The following OR4D2 variants were observed in gnomAD, a reference collection of about 807,000 sequenced individuals.
OR4D2 encodes the protein olfactory receptor family 4 subfamily D member 2.
OR4D2 carries 9 observed loss-of-function variants against 12.4 expected under a neutral mutation model. The observed-to-expected ratio is 0.73, with a 90% CI of 0.44 to 1.27. The LOEUF is 1.27. OR4D2 is among the 50% of genes most tolerant of loss of function. The pLI, the probability that OR4D2 is intolerant of heterozygous loss-of-function variation, is 0.00. For synonymous variants in OR4D2, 151 were observed against 151.1 expected (o/e 1.00, Z 0.01); for missense variants, 373 against 381.6 (o/e 0.98, Z 0.19).
rs1203146144 is a variant in OR4D2, at chr17:58,168,018, A to G, written c.-19+965A>G. On this transcript the variant is annotated intron_variant, in intron 1 of 1. Coordinates refer to ENST00000545221, the MANE Select transcript of OR4D2 (RefSeq NM_001004707.4). ...CCGTCACAAAAAAAAAAAAAAAAAA[A>G]AAAAGAAGGTGTCCTGGAGTGGAAG... Among the ~76,000 whole-genome samples, 7 of 149,638 alleles carry G rather than the reference A, an allele frequency of 4.7e-5. No individual in the cohort carries two copies. In the East Asian group the frequency reaches 1.4e-3, roughly 29 times the overall value.
chr17:58,170,836 C>T lies in OR4D2; in HGVS notation c.*257C>T, dbSNP rs1200919332. The T allele has an allele frequency of 4.1e-6, 2 of 488,210 alleles. No individual in the cohort carries two copies. Among genetic ancestry groups the T allele is most frequent in the Non-Finnish European group, 7.4e-6 (2 of 270,164 alleles). The allele number at this position is 488,210 out of a possible 1,614,324, so 30.2% of individuals were successfully genotyped here. On this transcript the variant is annotated 3_prime_UTR_variant, in exon 2 of 2. Coordinates refer to ENST00000545221, the MANE Select transcript of OR4D2 (RefSeq NM_001004707.4). ...CCCCTGAAAACCACACCTTCCTTTT[C>T]ACCTTCTTGGTGGACAGTTTCCTGT...
intron 1 of OR4D2, among the ~76,000 whole-genome samples, chr17:58,167,434 C>T (rs1164117476): frequency 1.3e-5 from 2 of 152,096 alleles, no homozygotes; most frequent in African/African-American, 4.8e-5. Flanking sequence ...AATATACTGC[C>T]TACATGGAAG....
chr17:58,169,568 C>T, intron 1 of OR4D2, 70 bp from the exon 2 acceptor site: 1 of 1,038,006 alleles, frequency 9.6e-7, no homozygotes, highest in African/African-American at 1.6e-5. Context: ...AACCTTGGTT[C>T]TGAGCCCCTG....
chr17:58,169,310 A>C (rs1002570038), intron 1 of OR4D2: 6 of 276,868 alleles, frequency 2.2e-5, no homozygotes, highest in Admixed American at 2.0e-4. Context: ...AGGCCCAGAA[A>C]GATTAAGTAA....
At chr17:58,169,273 C>G (rs1340041010) in intron 1 of OR4D2, 2 of 241,114 alleles carry the variant, frequency 8.3e-6, no homozygotes, top group African/African-American at 2.3e-5. Context: ...ATTTTTATTT[C>G]TACCTTACAA....
chr17:58,168,933 C>A (rs1464045921), intron 1 of OR4D2, among the ~76,000 whole-genome samples: 2 of 152,190 alleles, frequency 1.3e-5, no homozygotes, highest in Non-Finnish European at 2.9e-5. Flanking sequence ...ATGCAGCAGT[C>A]AACACCAAGA....
chr17:58,170,341 C>A lies in OR4D2; in HGVS notation c.686C>A (p.Pro229Gln). Residue 229 changes from proline to glutamine, a missense_variant, in exon 2 of 2, where the codon CCA becomes CAA. By Grantham distance (76) the Pro-to-Gln change is moderately conservative. Coordinates refer to ENST00000545221, the MANE Select transcript of OR4D2 (RefSeq NM_001004707.4). Reference protein sequence around the residue: ...LFILVMLRSHPGEARRKAAST... With the variant: ...LFILVMLRSHQGEARRKAAST... ...ATCCTGGTGATGCTGAGGTCACATC[C>A]AGGGGAGGCAAGAAGGAAGGCAGCT... 6.2e-7 allele frequency: 1 copy of A among 1,614,184 alleles called. No individual in the cohort carries two copies. Among genetic ancestry groups the A allele is most frequent in the South Asian group, 1.1e-5 (1 of 91,086 alleles).
intron 1 of OR4D2, chr17:58,169,328 A>G (rs748317919): frequency 6.0e-6 from 2 of 332,778 alleles, no homozygotes; most frequent in African/African-American, 2.2e-5. Flanking sequence ...TAAGTTACTC[A>G]TGGTCAAATC....
Position 58,169,877 on chromosome 17 carries a change from T to C in OR4D2, c.222T>C (p.Ser74=). The C allele has an allele frequency of 6.2e-7, 1 of 1,614,186 alleles. No individual in the cohort carries two copies. Residue 74 remains serine, a synonymous_variant, in exon 2 of 2, where the codon TCT becomes TCC. Coordinates refer to ENST00000545221, the MANE Select transcript of OR4D2 (RefSeq NM_001004707.4). The stretch of plus-strand genomic sequence containing the variant: ...TGGCTGTCCTAGACCTCTGTTTCTC[T>C]TCAGTCACTGCTCCCAAAATGCTAG... The part of the protein sequence containing the change: ...RNLAVLDLCF[S]SVTAPKMLVD...
chr17:58,168,877 A>G (rs984848499), intron 1 of OR4D2, among the ~76,000 whole-genome samples: 3 of 152,208 alleles, frequency 2.0e-5, no homozygotes, highest in Admixed American at 2.0e-4. Flanking sequence ...AGCTGCATCC[A>G]GTGTCTTCCT....
At position 58,170,975 on chromosome 17, in the gene OR4D2, T is replaced by C. The variant is rs145400274; in HGVS notation, c.*396T>C. Reference sequence around the variant, plus strand: ...TGGGAACAGCACAGAATTTGGAGTCTTAAGCTCTAAATTAGAGGCCCTGAC... The same window carrying C: ...TGGGAACAGCACAGAATTTGGAGTCCTAAGCTCTAAATTAGAGGCCCTGAC... On this transcript the variant is annotated 3_prime_UTR_variant, in exon 2 of 2. Coordinates refer to ENST00000545221, the MANE Select transcript of OR4D2 (RefSeq NM_001004707.4). 4.1e-4 allele frequency: 113 copies of C among 275,000 alleles called. 1 individual carries two copies. The highest frequency in any genetic ancestry group is 2.0e-3 in the African/African-American group (88 of 43,632). The allele number at this position is 275,000 out of a possible 1,614,324, so 17.0% of individuals were successfully genotyped here. A position where few individuals can be genotyped will look rare whatever the true frequency, so the allele number is the denominator to read the frequency against.
rs1327773895 is a variant in OR4D2, at chr17:58,167,067, C to CT, written c.-19+14_-19+15insT. Reference sequence around the variant, plus strand: ...AGGACATCAACGGTGAGGAAAATCACAAGATTCTCGACATTGTCACATAAA... The same window carrying CT: ...AGGACATCAACGGTGAGGAAAATCACTAAGATTCTCGACATTGTCACATAAA... On this transcript the variant is annotated intron_variant, in intron 1 of 1. Coordinates refer to ENST00000545221, the MANE Select transcript of OR4D2 (RefSeq NM_001004707.4). 6.6e-6 allele frequency: 1 copy of CT among 152,230 alleles called. No homozygotes were observed. The highest frequency in any genetic ancestry group is 2.4e-5 in the African/African-American group (1 of 41,448). 9.4% of individuals were successfully genotyped at this position (152,230 alleles called of 1,614,324 possible).
In OR4D2 at chr17:58,169,943, C is replaced by A. The variant is rs1448484860; in HGVS notation, c.288C>A (p.Gly96=). Residue 96 remains glycine (G), a synonymous_variant, in exon 2 of 2, where the codon GGC becomes GGA. Transcript: ENST00000545221. ...AGAAGAAAACCATCTCTTACCAGGG[C>A]TGCATGGGTCAGATCTTCTTCTTCC... ...LSEKKTISYQ[G]CMGQIFFFHF... The A allele has an allele frequency of 9.9e-6, 16 of 1,614,006 alleles. No homozygotes were observed. Among genetic ancestry groups the A allele is most frequent in the African/African-American group, 4.0e-5 (3 of 74,920 alleles).
intron 1 of OR4D2, 22 bp from the exon 2 acceptor site, chr17:58,169,616 G>A (rs1420896118): frequency 6.6e-7 from 1 of 1,519,802 alleles, no homozygotes; most frequent in Non-Finnish European, 9.1e-7. Flanking sequence ...ATGTATCTGT[G>A]TCTGTGGTTC....
At position 58,170,432 on chromosome 17, in the gene OR4D2, C is replaced by G. The variant is rs774789558; in HGVS notation, c.777C>G (p.Ala259=). 20 of 1,614,200 alleles carry G rather than the reference C, an allele frequency of 1.2e-5. No homozygotes were observed. The highest frequency in any genetic ancestry group is 1.6e-4 in the Middle Eastern group (1 of 6,062). Residue 259 remains alanine, a synonymous_variant, in exon 2 of 2, where the codon GCC becomes GCG. Coordinates refer to ENST00000545221, the MANE Select transcript of OR4D2 (RefSeq NM_001004707.4). ...MIFVPSIYLY[A]RPFTPFPMDK... The stretch of plus-strand genomic sequence containing the variant: ...TCGTTCCAAGCATTTACCTCTATGC[C>G]CGGCCCTTCACTCCATTCCCTATGG...
Position 58,170,644 on chromosome 17 carries a change from A to T in OR4D2, c.*65A>T. On this transcript the variant is annotated 3_prime_UTR_variant, in exon 2 of 2. Coordinates refer to ENST00000545221, the MANE Select transcript of OR4D2 (RefSeq NM_001004707.4). The stretch of plus-strand genomic sequence containing the variant: ...CCCTTTGTGAAGTGGAGAGGGAGCT[A>T]CTACCTTTGCTCTCTTCATAGTGTG... 1 of 1,263,680 alleles carries T rather than the reference A, an allele frequency of 7.9e-7. No homozygotes were observed. Among genetic ancestry groups the T allele is most frequent in the Non-Finnish European group, 1.2e-6 (1 of 861,460 alleles). The allele number at this position is 1,263,680 out of a possible 1,614,324, so 78.3% of individuals were successfully genotyped here.
chr17:58,167,098 G>A (rs559161860), intron 1 of OR4D2, 45 bp downstream of exon 1: 2 of 152,226 alleles, frequency 1.3e-5, no homozygotes, highest in Admixed American at 1.3e-4. Flanking sequence ...ATAAAACAAA[G>A]TCACATTTAC....
rs9894859 is a variant in OR4D2, at chr17:58,171,111, T to G, written c.*532T>G. ...TAGTATGTGCCCCTAAAATATTCTATGTTTGTTATGAGATTCAAATAAAAA... is the reference window on the plus strand; with the variant it reads ...TAGTATGTGCCCCTAAAATATTCTAGGTTTGTTATGAGATTCAAATAAAAA... On this transcript the variant is annotated 3_prime_UTR_variant, in exon 2 of 2. Coordinates refer to ENST00000545221, the MANE Select transcript of OR4D2 (RefSeq NM_001004707.4). 69,567 of 155,398 alleles carry G rather than the reference T, an allele frequency of 0.45. 19,228 individuals are homozygous for G. The highest frequency in any genetic ancestry group is 0.79 in the African/African-American group (32,880 of 41,424). The allele number at this position is 155,398 out of a possible 1,614,324, so 9.6% of individuals were successfully genotyped here.
chr17:58,169,881 G>C lies in OR4D2; in HGVS notation c.226G>C (p.Val76Leu). ...LAVLDLCFSS[V>L]TAPKMLVDLL... ...TGTCCTAGACCTCTGTTTCTCTTCAGTCACTGCTCCCAAAATGCTAGTGGA... is the reference window on the plus strand; with the variant it reads ...TGTCCTAGACCTCTGTTTCTCTTCACTCACTGCTCCCAAAATGCTAGTGGA... The change falls in exon 2 of 2, where the codon GTC (valine) becomes CTC (leucine). Residue 76 changes from valine to leucine, a missense_variant. Val to Leu is a conservative substitution (Grantham distance 32). Transcript: ENST00000545221. 2 of 1,614,072 alleles carry C rather than the reference G, an allele frequency of 1.2e-6. No individual in the cohort carries two copies. The highest frequency in any genetic ancestry group is 1.7e-6 in the Non-Finnish European group (2 of 1,180,010).
Sources: gnomAD v4.1 joint callset for allele counts (sites outside exome capture counted in the v4.1 genomes callset) on GRCh38, gnomAD v4.1.1 for gene constraint, MANE v1.5 for transcripts, NCBI Gene and HGNC (gene_info 2026-07-23, HGNC 2026-07-21) for gene names.